The following FNBP1 variants were observed in gnomAD, a reference collection of about 807,000 sequenced individuals.
FNBP1 encodes formin binding protein 1, also known as formin-binding protein 1.
In FNBP1, 26 loss-of-function variants were observed where a neutral mutation model predicts 90.6. The ratio of observed to expected loss-of-function variants is 0.29; its 90% CI spans 0.21 to 0.40. FNBP1 has a LOEUF of 0.40. Ranked by LOEUF, FNBP1 falls within the 10% of genes least tolerant of loss-of-function variation. FNBP1 has a pLI of 1.00. For synonymous variants in FNBP1, 260 were observed against 265.2 expected (o/e 0.98, Z 0.19); for missense variants, 635 against 768.0 (o/e 0.83, Z 2.05).
Position 129,888,237 on chromosome 9 carries a change from A to G in FNBP1, c.*2302T>C, listed in dbSNP as rs933741709. Reference sequence around the variant, plus strand: ...AAGAAATGAATCTATCCTGACCCATAATATGAAAGATGTGACGCACATGCA... The same window carrying G: ...AAGAAATGAATCTATCCTGACCCATGATATGAAAGATGTGACGCACATGCA... On this transcript the variant is annotated 3_prime_UTR_variant, in exon 17 of 17. Transcript: ENST00000446176. 5.6e-5 allele frequency: 13 copies of G among 232,616 alleles called. No individual in the cohort carries two copies. The South Asian group carries it at 7.2e-4, about 13-fold the overall frequency. 14.4% of individuals were successfully genotyped at this position (232,616 alleles called of 1,614,324 possible).
intron 6 of FNBP1, among the ~76,000 whole-genome samples, chr9:129,950,231 G>A (rs898630020): frequency 6.6e-6 from 1 of 152,208 alleles, no homozygotes; most frequent in African/African-American, 2.4e-5. Context: ...AGTGTTTCAA[G>A]TCAAATCCAA....
At chr9:129,977,090 C>T (rs999721354) in intron 4 of FNBP1, among the ~76,000 whole-genome samples, 5 of 151,028 alleles carry the variant, frequency 3.3e-5, no homozygotes, top group Non-Finnish European at 7.4e-5. Flanking sequence ...ACCCGGGGGG[C>T]GGAGGTTTCA....
At position 130,031,578 on chromosome 9, in the gene FNBP1, A is replaced by C. The variant is rs1273204526; in HGVS notation, c.24+11374T>G. ...TCCTTCAGGACTCCACTTGGATGCC[A>C]TTTCCCCACCTGAGTTACACTCCTG... On this transcript the variant is annotated intron_variant, in intron 1 of 16. Coordinates refer to ENST00000446176, the MANE Select transcript of FNBP1 (RefSeq NM_015033.3). This position sits in a 1 kb window ranked among gnomAD's most constrained non-coding sequence, Gnocchi z 4.2. Among the ~76,000 whole-genome samples, 2 of 152,084 alleles carry C rather than the reference A, an allele frequency of 1.3e-5. No homozygotes were observed. Among genetic ancestry groups the C allele is most frequent in the Admixed American group, 1.3e-4 (2 of 15,248 alleles).
At chr9:129,939,546 C>T (rs1215131198) in intron 6 of FNBP1, among the ~76,000 whole-genome samples, 1 of 151,888 alleles carries the variant, frequency 6.6e-6, no homozygotes, top group Non-Finnish European at 1.5e-5. Flanking sequence ...TTCTTGTGAC[C>T]ACAGAAGACC....
intron 1 of FNBP1, among the ~76,000 whole-genome samples, chr9:130,022,129 G>C (rs1438633832): frequency 1.3e-5 from 2 of 152,088 alleles, no homozygotes; most frequent in Non-Finnish European, 2.9e-5. Context: ...AAAGTGCTAG[G>C]ATTACAGGCG....
chr9:129,994,816 AAATAACCTTTTTC>A lies in FNBP1; in HGVS notation c.140+14_140+26del. 1 of 1,071,854 alleles carries A rather than the reference AAATAACCTTTTTC, an allele frequency of 9.3e-7. No homozygotes were observed. Among genetic ancestry groups the A allele is most frequent in the Non-Finnish European group, 1.4e-6 (1 of 699,192 alleles). 66.4% of individuals were successfully genotyped at this position (1,071,854 alleles called of 1,614,324 possible). A position where few individuals can be genotyped will look rare whatever the true frequency, so the allele number is the denominator to read the frequency against. On this transcript the variant is annotated intron_variant, in intron 2 of 16. Transcript: ENST00000446176. ...ATCCTTACATCATTTTGCAGTTAAC[AAATAACCTTTTTC>A]AATATCAACTTACCTGAGTTGCTTT... is the stretch of plus-strand genomic sequence containing the variant.
At chr9:130,037,254 T>C (rs1286845225) in intron 1 of FNBP1, among the ~76,000 whole-genome samples, 3 of 151,718 alleles carry the variant, frequency 2.0e-5, no homozygotes, top group African/African-American at 7.3e-5. Context: ...CTCAGGAGGC[T>C]GAGGCATGAG....
intron 12 of FNBP1, among the ~76,000 whole-genome samples, chr9:129,907,967 T>C (rs2038465932): frequency 6.6e-6 from 1 of 151,994 alleles, no homozygotes; most frequent in African/African-American, 2.4e-5. Context: ...GACCTTGTGA[T>C]CTGCCCGCCT....
At chr9:129,903,055 A>T in intron 12 of FNBP1, 54 bp from the exon 13 acceptor site, 1 of 1,509,024 alleles carries the variant, frequency 6.6e-7, no homozygotes, top group Non-Finnish European at 9.0e-7. Flanking sequence ...TTTTTTTTAG[A>T]CAGTTTCACT....
the FNBP1 span, among the ~76,000 whole-genome samples, chr9:130,048,490 C>CTTTTTTTT: frequency 9.6e-5 from 5 of 52,346 alleles, no homozygotes; most frequent in South Asian, 6.9e-4. Context: ...GCCTCAGTTT[C>CTTTTTTTT]CTTTTTTTTT....
chr9:129,969,472 C>T (rs1320541545), intron 4 of FNBP1, among the ~76,000 whole-genome samples: 1 of 152,182 alleles, frequency 6.6e-6, no homozygotes, highest in Non-Finnish European at 1.5e-5. Context: ...GAGTCAAAAA[C>T]TGGTAATACC....
At chr9:129,969,544 C>A (rs1165581022) in intron 4 of FNBP1, among the ~76,000 whole-genome samples, 1 of 152,172 alleles carries the variant, frequency 6.6e-6, no homozygotes, top group Non-Finnish European at 1.5e-5. Flanking sequence ...TGCACAGCTA[C>A]TAAAATTCCA....
At position 129,889,500 on chromosome 9, in the gene FNBP1, G is replaced by A. The variant is rs1285852098; in HGVS notation, c.*1039C>T. On this transcript the variant is annotated 3_prime_UTR_variant, in exon 17 of 17. Coordinates refer to ENST00000446176, the MANE Select transcript of FNBP1 (RefSeq NM_015033.3). ...CAGGAGAATCGCTGGAACCCAGGAG[G>A]TGGAGGTTGTAGTGAGCCGAGATCA... 3 of 188,964 alleles carry A rather than the reference G, an allele frequency of 1.6e-5. No homozygotes were observed. Among genetic ancestry groups the A allele is most frequent in the South Asian group, 3.9e-4 (2 of 5,150 alleles). 11.7% of individuals were successfully genotyped at this position (188,964 alleles called of 1,614,324 possible).
Position 130,031,067 on chromosome 9 carries a change from G to C in FNBP1, c.24+11885C>G, listed in dbSNP as rs932659950. 6.6e-6 allele frequency among the ~76,000 whole-genome samples: 1 copy of C among 152,164 alleles called. No individual in the cohort carries two copies. The highest frequency in any genetic ancestry group is 6.5e-5 in the Admixed American group (1 of 15,274). On this transcript the variant is annotated intron_variant, in intron 1 of 16. Transcript: ENST00000446176. The surrounding 1 kb of genome is among the most constrained non-coding windows in gnomAD (Gnocchi z 4.2). ...ACATCTTGAAGTGGGAGGAGGCAGAGGGTGGCTCCTAGGCCTTCTTTGTTC... is the reference window on the plus strand; with the variant it reads ...ACATCTTGAAGTGGGAGGAGGCAGACGGTGGCTCCTAGGCCTTCTTTGTTC...
intron 1 of FNBP1, among the ~76,000 whole-genome samples, chr9:130,020,841 G>A (rs569231163): frequency 1.3e-5 from 2 of 152,210 alleles, no homozygotes; most frequent in Admixed American, 6.5e-5. Flanking sequence ...TCAGGCCTTC[G>A]TTCCCATTGC....
At chr9:130,053,822 G>A in the FNBP1 span, 7 of 1,035,154 alleles carry the variant, frequency 6.8e-6, no homozygotes, top group African/African-American at 3.2e-5. Context: ...AACGACCACA[G>A]GGTCAGCGGA....
At chr9:130,027,062 A>C (rs917687553) in intron 1 of FNBP1, among the ~76,000 whole-genome samples, 3 of 152,146 alleles carry the variant, frequency 2.0e-5, no homozygotes, top group African/African-American at 7.2e-5. Context: ...AGGAAGAGGA[A>C]ATGAAATTTG....
chr9:129,937,122 G>T (rs2043587579), intron 6 of FNBP1, among the ~76,000 whole-genome samples: 1 of 151,686 alleles, frequency 6.6e-6, no homozygotes, highest in Non-Finnish European at 1.5e-5. Context: ...GTGAGCCAAG[G>T]TCACGCCACT....
At chr9:130,027,125 C>G (rs183177839) in intron 1 of FNBP1, among the ~76,000 whole-genome samples, 2 of 151,918 alleles carry the variant, frequency 1.3e-5, no homozygotes, top group African/African-American at 4.8e-5. Flanking sequence ...ATGAAATGTC[C>G]CCTTTTGTGA....
Sources: allele counts gnomAD v4.1 joint callset (sites outside exome capture counted in the v4.1 genomes callset), GRCh38; gene constraint gnomAD v4.1.1; non-coding constraint Gnocchi (gnomAD v3.1); transcripts MANE v1.5; gene names NCBI Gene and HGNC (gene_info 2026-07-23, HGNC 2026-07-21).